The following STARD3NL variants were observed in gnomAD, a reference collection of about 807,000 sequenced individuals.
STARD3NL encodes the protein STARD3 N-terminal like, also known as STARD3 N-terminal-like protein.
In STARD3NL, 17 loss-of-function variants were observed where a neutral mutation model predicts 30.9. The observed-to-expected ratio is 0.55, with a 90% CI of 0.38 to 0.82. The LOEUF (loss-of-function observed/expected upper bound fraction) is 0.82. Ranked by LOEUF, STARD3NL falls within the 40% of genes least tolerant of loss-of-function variation. The pLI, the probability that STARD3NL is intolerant of heterozygous loss-of-function variation, is 0.00. For missense variants in STARD3NL, 234 were observed against 277.6 expected, an observed-to-expected ratio of 0.84 and a Z score of 1.12; for synonymous variants, 112 against 100.5, an observed-to-expected ratio of 1.11 and a Z score of -0.69.
At position 38,219,208 on chromosome 7, in the gene STARD3NL, G is replaced by A. The variant is rs951153695; in HGVS notation, c.554-357G>A. On this transcript the variant is annotated intron_variant, in intron 6 of 8. Transcript: ENST00000009041. Reference sequence around the variant, plus strand: ...ACTACAGGCATGCACTACCACACTCGGCTAATTTTTAAATTTTTTATAGAG... The same window carrying A: ...ACTACAGGCATGCACTACCACACTCAGCTAATTTTTAAATTTTTTATAGAG... 4.6e-5 allele frequency among the ~76,000 whole-genome samples: 7 copies of A among 151,954 alleles called. No homozygotes were observed. The East Asian group carries it at 9.7e-4, about 21-fold the overall frequency.
intron 1 of STARD3NL, among the ~76,000 whole-genome samples, chr7:38,203,704 AC>A: frequency 6.6e-6 from 1 of 152,342 alleles, no homozygotes; most frequent in African/African-American, 2.4e-5. Context: ...AAGAGTTAAG[AC>A]CCATCAGTGT....
intron 4 of STARD3NL, 61 bp downstream of exon 4, chr7:38,215,166 C>T (rs1786032907): frequency 2.7e-6 from 4 of 1,495,066 alleles, no homozygotes; most frequent in Admixed American, 3.4e-5. Context: ...GTCCTGCTCT[C>T]AACAGGCCTG....
At chr7:38,189,491 A>G (rs1321339015) in intron 1 of STARD3NL, among the ~76,000 whole-genome samples, 1 of 152,156 alleles carries the variant, frequency 6.6e-6, no homozygotes, top group Non-Finnish European at 1.5e-5. Context: ...CCTGAGTTCT[A>G]GTGCAGGGAA....
chr7:38,182,410 A>G (rs1210774320), intron 1 of STARD3NL, among the ~76,000 whole-genome samples: 2 of 152,244 alleles, frequency 1.3e-5, no homozygotes, highest in South Asian at 2.1e-4. Context: ...AATACTAACA[A>G]CGATTTCCAC....
At chr7:38,220,941 TAAAAAAGAAAA>T (rs956783678) in intron 7 of STARD3NL, among the ~76,000 whole-genome samples, 1 of 103,692 alleles carries the variant, frequency 9.6e-6, no homozygotes, top group African/African-American at 4.0e-5. Context: ...TTGTCTCTAT[TAAAAAAGAAAA>T]GAAAAGAAAA....
At chr7:38,210,466 G>A (rs866116028) in intron 2 of STARD3NL, among the ~76,000 whole-genome samples, 1 of 152,088 alleles carries the variant, frequency 6.6e-6, no homozygotes, top group Non-Finnish European at 1.5e-5. Context: ...CACCATCCCA[G>A]CCTCAAATGC....
chr7:38,229,638 G>A (rs961537812), intron 8 of STARD3NL, among the ~76,000 whole-genome samples: 2 of 152,158 alleles, frequency 1.3e-5, no homozygotes, highest in East Asian at 1.9e-4. Context: ...CCAAGGTCAC[G>A]GCGCATGGAG....
chr7:38,202,228 A>G (rs1785215291), intron 1 of STARD3NL: 1 of 152,128 alleles, frequency 6.6e-6, no homozygotes, highest in Non-Finnish European at 1.5e-5. Flanking sequence ...GGAGCTTATT[A>G]TTTTCTTTCC....
chr7:38,205,670 C>T (rs1017610730), intron 1 of STARD3NL, among the ~76,000 whole-genome samples: 6 of 151,878 alleles, frequency 4.0e-5, no homozygotes, highest in Non-Finnish European at 7.4e-5. Flanking sequence ...CATGTATATA[C>T]TATATAGCAT....
intron 5 of STARD3NL, 22 bp from the exon 6 acceptor site, chr7:38,217,166 C>T (rs1262885696): frequency 2.5e-6 from 4 of 1,613,834 alleles, no homozygotes; most frequent in Middle Eastern, 3.3e-4. Flanking sequence ...CTGCATTTCC[C>T]TTTCCTGGTC....
intron 1 of STARD3NL, among the ~76,000 whole-genome samples, chr7:38,200,368 T>C (rs1053454708): frequency 6.6e-6 from 1 of 152,196 alleles, no homozygotes; most frequent in Admixed American, 6.5e-5. Context: ...GCTAGTGCAG[T>C]GCTTCTCGTT....
intron 1 of STARD3NL, among the ~76,000 whole-genome samples, chr7:38,206,547 C>G (rs1785497834): frequency 6.6e-6 from 1 of 152,106 alleles, no homozygotes; most frequent in South Asian, 2.1e-4. Context: ...GCCCTCTGGT[C>G]TTGAGGGGCC....
At position 38,216,486 on chromosome 7, in the gene STARD3NL, T is replaced by TGTGTGTGTGTGA. The variant is rs1554297850; in HGVS notation, c.382-528_382-527insAGTGTGTGTGTG. 1.9e-3 allele frequency: 290 copies of TGTGTGTGTGTGA among 150,988 alleles called. 1 individual carries two copies. Among genetic ancestry groups the TGTGTGTGTGTGA allele is most frequent in the East Asian group, 3.7e-3 (19 of 5,134 alleles). The allele number at this position is 150,988 out of a possible 1,614,324, so 9.4% of individuals were successfully genotyped here. A position where few individuals can be genotyped will look rare whatever the true frequency, so the allele number is the denominator to read the frequency against. On this transcript the variant is annotated intron_variant, in intron 4 of 8. Transcript: ENST00000009041. ...GTGTGTGTGTGTGTGTGTGTGTGAG[T>TGTGTGTGTGTGA]GTGTGTGTGTGTGTGTCTGCAACTT...
chr7:38,214,278 A>G, intron 2 of STARD3NL, 79 bp from the exon 3 acceptor site: 2 of 894,166 alleles, frequency 2.2e-6, no homozygotes, highest in South Asian at 1.5e-5. Flanking sequence ...TAGGCAGGAA[A>G]GTTGGATAGG....
In STARD3NL at chr7:38,207,718, A is replaced by G; in HGVS notation, c.214A>G (p.Ile72Val). 6.2e-7 allele frequency: 1 copy of G among 1,613,884 alleles called. No individual in the cohort carries two copies. The highest frequency in any genetic ancestry group is 2.2e-5 in the East Asian group (1 of 44,878). Residue 72 changes from isoleucine (I) to valine (V), a missense_variant, in exon 2 of 9, where the codon ATA becomes GTA. Ile to Val is a conservative substitution (Grantham distance 29, BLOSUM62 3). Coordinates refer to ENST00000009041, the MANE Select transcript of STARD3NL (RefSeq NM_032016.4). ...DLLFVTLLWI[I>V]ELNVNGGIEN... ...CTTATTCGTAACATTACTGTGGATA[A>G]TAGAGTTAAATGTAAGTTGGTGGTT...
At chr7:38,216,037 T>C (rs71546632) in intron 4 of STARD3NL, 12,733 of 152,316 alleles carry the variant, frequency 0.084, 656 homozygotes, top group Middle Eastern at 0.15. Flanking sequence ...CTCCCTTTCC[T>C]GAATACTCTT....
intron 1 of STARD3NL, among the ~76,000 whole-genome samples, chr7:38,193,578 G>A (rs1267800955): frequency 1.3e-5 from 2 of 152,312 alleles, no homozygotes; most frequent in African/African-American, 2.4e-5. Context: ...GATTACAGGC[G>A]TGAGCCACTG....
intron 1 of STARD3NL, among the ~76,000 whole-genome samples, chr7:38,193,208 T>C (rs912742150): frequency 1.3e-5 from 2 of 152,246 alleles, no homozygotes; most frequent in African/African-American, 2.4e-5. Flanking sequence ...GTTGTGTTCG[T>C]GCATGCTTTT....
chr7:38,178,440 C>T lies in STARD3NL; in HGVS notation c.-59+20C>T, dbSNP rs1213308368. 6.6e-6 allele frequency: 1 copy of T among 152,254 alleles called. No homozygotes were observed. Among genetic ancestry groups the T allele is most frequent in the African/African-American group, 2.4e-5 (1 of 41,446 alleles). 9.4% of individuals were successfully genotyped at this position (152,254 alleles called of 1,614,324 possible). A position where few individuals can be genotyped will look rare whatever the true frequency, so the allele number is the denominator to read the frequency against. On this transcript the variant is annotated intron_variant, in intron 1 of 8. Transcript: ENST00000009041. Reference sequence around the variant, plus strand: ...GTTAAGGTAGGCTGGGTTTCTCGTTCCCCTATTTGACAGGTTGGAAAACTG... The same window carrying T: ...GTTAAGGTAGGCTGGGTTTCTCGTTTCCCTATTTGACAGGTTGGAAAACTG...
Sources: gnomAD v4.1 joint callset for allele counts (sites outside exome capture counted in the v4.1 genomes callset) on GRCh38, gnomAD v4.1.1 for gene constraint, MANE v1.5 for transcripts, NCBI Gene and HGNC (gene_info 2026-07-23, HGNC 2026-07-21) for gene names.